PRKN: variants seen among roughly 807,000 people sequenced by gnomAD.
The protein encoded by PRKN is E3 ubiquitin-protein ligase parkin.
Under a neutral mutation model 59.5 loss-of-function variants are expected in PRKN, and 56 were observed. That is an observed-to-expected ratio of 0.94 (90% CI 0.76 to 1.18). The LOEUF (loss-of-function observed/expected upper bound fraction) is 1.18. Ranked by LOEUF, PRKN falls within the 50% of genes most tolerant of loss-of-function variation. The pLI is 0.00. For synonymous variants in PRKN, 250 were observed against 222.1 expected (o/e 1.13, Z -1.12); for missense variants, 657 against 596.4 (o/e 1.10, Z -1.06).
At chr6:161,555,258 C>G (rs562485070) in intron 8 of PRKN, among the ~76,000 whole-genome samples, 1 of 152,088 alleles carries the variant, frequency 6.6e-6, no homozygotes, top group East Asian at 1.9e-4. Flanking sequence ...TAACTTGGTT[C>G]ACCTTGAAAA....
intron 4 of PRKN, among the ~76,000 whole-genome samples, chr6:162,172,914 G>A (rs565040166): frequency 6.6e-6 from 1 of 152,250 alleles, no homozygotes. Flanking sequence ...AGAGGAAGAA[G>A]GGGGGCGTGT....
intron 5 of PRKN, among the ~76,000 whole-genome samples, chr6:161,976,322 C>CT (rs1358525882): frequency 1.3e-5 from 2 of 152,196 alleles, no homozygotes; most frequent in Non-Finnish European, 2.9e-5. Context: ...CCTATCCTAT[C>CT]TGGGGCAGTG....
chr6:162,672,400 T>A (rs1779357563), intron 1 of PRKN, among the ~76,000 whole-genome samples: 2 of 152,070 alleles, frequency 1.3e-5, no homozygotes, highest in African/African-American at 4.8e-5. Context: ...TTCGGTAACA[T>A]TAACCACTTT....
chr6:162,489,516 A>G (rs1351544545), intron 1 of PRKN, among the ~76,000 whole-genome samples: 4 of 152,234 alleles, frequency 2.6e-5, no homozygotes, highest in Non-Finnish European at 5.9e-5. Flanking sequence ...AACAAAGTTC[A>G]TCATGGCTGA....
chr6:161,718,609 C>A (rs1025063389), intron 7 of PRKN, among the ~76,000 whole-genome samples: 20 of 152,136 alleles, frequency 1.3e-4, no homozygotes, highest in African/African-American at 4.6e-4. Flanking sequence ...GGGTGGGCAC[C>A]CCGAGAGAAA....
chr6:161,873,330 T>A (rs1794421687), intron 6 of PRKN, among the ~76,000 whole-genome samples: 1 of 151,890 alleles, frequency 6.6e-6, no homozygotes, highest in Non-Finnish European at 1.5e-5. Flanking sequence ...TACTCTGAAG[T>A]TAGATATCCT....
At chr6:162,509,788 G>C (rs1046482361) in intron 1 of PRKN, among the ~76,000 whole-genome samples, 1 of 152,080 alleles carries the variant, frequency 6.6e-6, no homozygotes, top group Non-Finnish European at 1.5e-5. Flanking sequence ...TAATAAAAAT[G>C]GTGTAAATCA....
chr6:161,934,260 T>A (rs1779273479), intron 6 of PRKN, among the ~76,000 whole-genome samples: 2 of 152,222 alleles, frequency 1.3e-5, no homozygotes, highest in South Asian at 4.1e-4. Context: ...ATTGTCATTT[T>A]CTTGAGGCAT....
chr6:161,437,977 G>C (rs913311326), intron 9 of PRKN, among the ~76,000 whole-genome samples: 1 of 152,124 alleles, frequency 6.6e-6, no homozygotes, highest in African/African-American at 2.4e-5. Context: ...AATTGACACA[G>C]TAATTATATG....
intron 5 of PRKN, among the ~76,000 whole-genome samples, chr6:162,008,968 G>T (rs2156747): frequency 6.6e-6 from 1 of 151,682 alleles, no homozygotes; most frequent in Non-Finnish European, 1.5e-5. Context: ...AAACAGGTGA[G>T]GTGTGGCCAA....
chr6:162,249,966 C>A (rs745892092), intron 3 of PRKN, among the ~76,000 whole-genome samples: 8 of 151,928 alleles, frequency 5.3e-5, no homozygotes, highest in African/African-American at 1.2e-4. Flanking sequence ...GCCAACAGGT[C>A]GAAATCCTGT....
At chr6:162,647,701 A>G (rs1389854814) in intron 1 of PRKN, among the ~76,000 whole-genome samples, 1 of 152,116 alleles carries the variant, frequency 6.6e-6, no homozygotes. Context: ...TTAAGAAAGC[A>G]TGCCAGAGTT....
In PRKN at chr6:162,356,783, A is replaced by G. The variant is rs568109555; in HGVS notation, c.171+86527T>C. On this transcript the variant is annotated intron_variant, in intron 2 of 11. Coordinates refer to ENST00000366898, the MANE Select transcript of PRKN (RefSeq NM_004562.3). ...AAAAAAAAAAAAAGATAAGATAGACAATAAACAAATCAATGGAGATCCCAG... is the reference window on the plus strand; with the variant it reads ...AAAAAAAAAAAAAGATAAGATAGACGATAAACAAATCAATGGAGATCCCAG... 2.6e-5 allele frequency among the ~76,000 whole-genome samples: 4 copies of G among 151,074 alleles called. No homozygotes were observed. In the South Asian group the frequency reaches 8.3e-4, roughly 31 times the overall value.
intron 9 of PRKN, among the ~76,000 whole-genome samples, chr6:161,450,192 A>G (rs1024713769): frequency 2.0e-5 from 3 of 152,202 alleles, no homozygotes; most frequent in Non-Finnish European, 4.4e-5. Context: ...GGGAAGGTGT[A>G]TGGCCAAAGG....
intron 2 of PRKN, among the ~76,000 whole-genome samples, chr6:162,399,842 A>G (rs1787670465): frequency 6.6e-6 from 1 of 152,186 alleles, no homozygotes; most frequent in African/African-American, 2.4e-5. Context: ...CACTGCAAAA[A>G]GCACTACAAG....
intron 9 of PRKN, among the ~76,000 whole-genome samples, chr6:161,427,645 T>G (rs1181281713): frequency 6.6e-6 from 1 of 152,146 alleles, no homozygotes; most frequent in Non-Finnish European, 1.5e-5. Flanking sequence ...GTGACATGGA[T>G]GTAAAGTATA....
In PRKN at chr6:161,461,171, AAG is replaced by A. The variant is rs1320806154; in HGVS notation, c.1084-74296_1084-74295del. On this transcript the variant is annotated intron_variant, in intron 9 of 11. Coordinates refer to ENST00000366898, the MANE Select transcript of PRKN (RefSeq NM_004562.3). This position sits in a 1 kb window ranked among gnomAD's most constrained non-coding sequence, Gnocchi z 5.1. ...TCAAGTTTGTCCTCAGGGACAGAGA[AAG>A]AGTTTTGCTAGCCAGTGGCTCAGAG... Among the ~76,000 whole-genome samples, 5 of 152,218 alleles carry A rather than the reference AAG, an allele frequency of 3.3e-5. No homozygotes were observed. The highest frequency in any genetic ancestry group is 2.6e-4 in the Admixed American group (4 of 15,278).
intron 2 of PRKN, among the ~76,000 whole-genome samples, chr6:162,287,741 C>T (rs1562642481): frequency 6.6e-6 from 1 of 152,004 alleles, no homozygotes; most frequent in African/African-American, 2.4e-5. Flanking sequence ...ACATTGATAA[C>T]AAATAACTAG....
intron 6 of PRKN, among the ~76,000 whole-genome samples, chr6:161,804,816 T>C (rs896096129): frequency 1.3e-5 from 2 of 152,244 alleles, no homozygotes; most frequent in African/African-American, 2.4e-5. Context: ...CCCAATCTAT[T>C]GCTGTCTATG....
Sources: allele counts gnomAD v4.1 joint callset (sites outside exome capture counted in the v4.1 genomes callset), GRCh38; gene constraint gnomAD v4.1.1; non-coding constraint Gnocchi (gnomAD v3.1); transcripts MANE v1.5; gene names NCBI Gene and HGNC (gene_info 2026-07-23, HGNC 2026-07-21).